Variants in ORC4 observed in about 807,000 individuals in gnomAD.
The protein encoded by ORC4 is origin recognition complex, subunit 4 homolog.
A neutral mutation model predicts 63.9 loss-of-function variants in ORC4; 55 were observed. The observed-to-expected ratio is 0.86, with a 90% CI of 0.69 to 1.08. ORC4 has a LOEUF of 1.08. Ranked by LOEUF, ORC4 falls within the 50% of genes least tolerant of loss-of-function variation. The pLI, the probability that ORC4 is intolerant of heterozygous loss-of-function variation, is 0.00. For missense variants in ORC4, 511 were observed against 504.4 expected, an observed-to-expected ratio of 1.01 and a Z score of -0.13; for synonymous variants, 150 against 168.5, an observed-to-expected ratio of 0.89 and a Z score of 0.85.
intron 4 of ORC4, among the ~76,000 whole-genome samples, chr2:147,959,335 A>G (rs1048602408): frequency 2.6e-5 from 4 of 151,542 alleles, no homozygotes; most frequent in South Asian, 2.1e-4. Flanking sequence ...GATATCATAC[A>G]TATCTCTTCA....
intron 1 of ORC4, among the ~76,000 whole-genome samples, chr2:147,997,289 C>T (rs1425642683): frequency 6.6e-6 from 1 of 151,886 alleles, no homozygotes; most frequent in African/African-American, 2.4e-5. Flanking sequence ...ATTTTTAGGG[C>T]AATTAAATTA....
At chr2:147,943,898 C>T (rs1396400990) in intron 9 of ORC4, among the ~76,000 whole-genome samples, 1 of 152,054 alleles carries the variant, frequency 6.6e-6, no homozygotes, top group Non-Finnish European at 1.5e-5. Flanking sequence ...ACAAAGAATG[C>T]TTAAACTGGA....
At chr2:148,013,803 AAAGAC>A (rs1474940463) in intron 1 of ORC4, among the ~76,000 whole-genome samples, 1 of 152,232 alleles carries the variant, frequency 6.6e-6, no homozygotes, top group African/African-American at 2.4e-5. Flanking sequence ...AGTAAAAAAG[AAAGAC>A]AATTAGGGTT....
intron 1 of ORC4, among the ~76,000 whole-genome samples, chr2:147,992,219 A>G (rs1340956491): frequency 6.6e-6 from 1 of 152,216 alleles, no homozygotes; most frequent in Non-Finnish European, 1.5e-5. Context: ...AATTGGATGG[A>G]TAAATAGTAT....
intron 3 of ORC4, 29 bp downstream of exon 3, chr2:147,973,419 A>G (rs754752307): frequency 5.8e-6 from 8 of 1,376,246 alleles, no homozygotes; most frequent in South Asian, 2.3e-5. Context: ...AAGTAGGTCC[A>G]TAACAGTCAA....
chr2:148,007,066 G>A (rs981841224), intron 1 of ORC4, among the ~76,000 whole-genome samples: 1 of 152,184 alleles, frequency 6.6e-6, no homozygotes, highest in African/African-American at 2.4e-5. Flanking sequence ...TGCTTTGGAT[G>A]CTCCTTAATG....
chr2:147,959,941 T>C (rs1290306910), intron 4 of ORC4, among the ~76,000 whole-genome samples: 1 of 152,172 alleles, frequency 6.6e-6, no homozygotes, highest in African/African-American at 2.4e-5. Context: ...TAAGAGTACA[T>C]CCCTAGATGA....
chr2:147,955,348 T>G lies in ORC4; in HGVS notation c.435A>C (p.Lys145Asn). 6.3e-7 allele frequency: 1 copy of G among 1,589,420 alleles called. No individual in the cohort carries two copies. Among genetic ancestry groups the G allele is most frequent in the Admixed American group, 1.7e-5 (1 of 59,702 alleles). ...ACGGCTGAATATGTTAATATTTACC[T>G]TTTTTTAAAGCTTCCAGAAGAAATG... ...NLSFLLEALK[K>N]GDRTSSCPVI... Residue 145 changes from lysine (K) to asparagine (N), a missense_variant and splice_region_variant, in exon 7 of 14, where the codon AAA becomes AAC. Coordinates refer to ENST00000392857, the MANE Select transcript of ORC4 (RefSeq NM_181741.4).
chr2:148,004,544 T>C (rs1404260778), intron 1 of ORC4, among the ~76,000 whole-genome samples: 3 of 152,134 alleles, frequency 2.0e-5, no homozygotes, highest in Non-Finnish European at 4.4e-5. Context: ...TAATAAATGG[T>C]GTTGGGAAAA....
intron 8 of ORC4, chr2:147,951,313 G>A (rs1435342560): frequency 6.6e-6 from 1 of 152,242 alleles, no homozygotes; most frequent in Non-Finnish European, 1.5e-5. Flanking sequence ...CATAGCATGA[G>A]AAAAGAGACA....
chr2:147,992,023 C>T (rs13394568), intron 1 of ORC4, among the ~76,000 whole-genome samples: 12,998 of 152,122 alleles, frequency 0.085, 1,579 homozygotes, highest in African/African-American at 0.27. Context: ...AACAAAAGAA[C>T]TAACACAAAT....
In ORC4 at chr2:147,948,132, A is replaced by C. The variant is rs1183403750; in HGVS notation, c.681T>G (p.Val227=). The change falls in exon 9 of 14, where the codon GTT becomes GTG. Residue 227 remains valine, a synonymous_variant. Coordinates refer to ENST00000392857, the MANE Select transcript of ORC4 (RefSeq NM_181741.4). The part of the protein sequence containing the change: ...LMNSFGFPQY[V]KIFKEQLSLP... The stretch of plus-strand genomic sequence containing the variant: ...GAGATAACTGTTCTTTAAATATTTT[A>C]ACATACTGTGGAAAACCAAATGAAT... 1.9e-6 allele frequency: 3 copies of C among 1,610,928 alleles called. No homozygotes were observed. In the East Asian group the frequency reaches 6.7e-5, roughly 36 times the overall value.
intron 13 of ORC4, among the ~76,000 whole-genome samples, chr2:147,937,242 ACT>A (rs1196933125): frequency 2.6e-5 from 4 of 152,092 alleles, no homozygotes; most frequent in Admixed American, 6.6e-5. Flanking sequence ...TGGGGAATCC[ACT>A]GTTTTAAAAG....
At chr2:147,991,695 G>T (rs561882570) in intron 1 of ORC4, among the ~76,000 whole-genome samples, 2 of 152,054 alleles carry the variant, frequency 1.3e-5, no homozygotes, top group Admixed American at 1.3e-4. Context: ...AGGTGTCGTG[G>T]TGCGTACCTG....
At chr2:148,006,397 T>C (rs1692634077) in intron 1 of ORC4, among the ~76,000 whole-genome samples, 1 of 152,200 alleles carries the variant, frequency 6.6e-6, no homozygotes, top group Non-Finnish European at 1.5e-5. Flanking sequence ...CCACAAGGAC[T>C]GCATCCTTTG....
intron 9 of ORC4, among the ~76,000 whole-genome samples, chr2:147,944,296 A>G (rs1428566092): frequency 6.6e-6 from 1 of 152,140 alleles, no homozygotes; most frequent in Non-Finnish European, 1.5e-5. Flanking sequence ...TTGGATTATT[A>G]ATATTTAAGT....
At chr2:148,009,041 G>T (rs1010276345) in intron 1 of ORC4, among the ~76,000 whole-genome samples, 1 of 152,046 alleles carries the variant, frequency 6.6e-6, no homozygotes, top group Non-Finnish European at 1.5e-5. Context: ...CAGGTTTTTA[G>T]TTTTTTCTGT....
intron 1 of ORC4, among the ~76,000 whole-genome samples, chr2:148,003,371 C>T (rs1692434407): frequency 6.6e-6 from 1 of 152,162 alleles, no homozygotes; most frequent in African/African-American, 2.4e-5. Context: ...CAATAAAATG[C>T]TGGCAAACTG....
chr2:147,960,912 G>A (rs1379274485), intron 4 of ORC4, among the ~76,000 whole-genome samples: 1 of 151,868 alleles, frequency 6.6e-6, no homozygotes, highest in Non-Finnish European at 1.5e-5. Flanking sequence ...ATTTTCTAGG[G>A]GTCAATCTGT....
Sources: gnomAD v4.1 joint callset for allele counts (sites outside exome capture counted in the v4.1 genomes callset) on GRCh38, gnomAD v4.1.1 for gene constraint, MANE v1.5 for transcripts, NCBI Gene and HGNC (gene_info 2026-07-23, HGNC 2026-07-21) for gene names.